The following COX16 variants were observed in gnomAD, a reference collection of about 807,000 sequenced individuals.
COX16 encodes the protein cytochrome c oxidase assembly factor COX16.
A neutral mutation model predicts 15.4 loss-of-function variants in COX16; 12 were observed. That is an observed-to-expected ratio of 0.78 (90% confidence interval 0.50 to 1.26). The LOEUF is 1.26. Ranked by LOEUF, COX16 falls within the 50% of genes most tolerant of loss-of-function variation. COX16 has a pLI of 0.00. For synonymous variants in COX16, 46 were observed against 41.1 expected (o/e 1.12, Z -0.46); for missense variants, 124 against 127.6 (o/e 0.97, Z 0.14).
chr14:70,331,997 C>G (rs941245111), intron 2 of COX16, among the ~76,000 whole-genome samples: 2 of 152,200 alleles, frequency 1.3e-5, no homozygotes, highest in Non-Finnish European at 2.9e-5. Flanking sequence ...GCATTCACAC[C>G]TAGGTGGATG....
At chr14:70,334,151 A>T (rs1886374741) in intron 2 of COX16, among the ~76,000 whole-genome samples, 2 of 152,252 alleles carry the variant, frequency 1.3e-5, no homozygotes, top group African/African-American at 2.4e-5. Context: ...ATGATGTTTA[A>T]ATCACTTTTA....
intron 2 of COX16, among the ~76,000 whole-genome samples, chr14:70,331,263 C>T (rs1018172115): frequency 5.3e-5 from 8 of 152,116 alleles, no homozygotes; most frequent in Non-Finnish European, 7.3e-5. Flanking sequence ...GCCTCGGCCT[C>T]GCAAAGTGCT....
At position 70,359,625 on chromosome 14, in the gene COX16, C is replaced by G. The variant is rs764883002; in HGVS notation, c.-38G>C. The G allele has an allele frequency of 3.1e-6, 5 of 1,597,110 alleles. No individual in the cohort carries two copies. In the Admixed American group the frequency reaches 6.7e-5, roughly 21 times the overall value. On this transcript the variant is annotated 5_prime_UTR_variant, in exon 1 of 4. Coordinates refer to ENST00000389912, the MANE Select transcript of COX16 (RefSeq NM_016468.7). ...CCATCGGCTCAGAACTCCAAGCGGG[C>G]CTAGCGCAGACTCCCAAATCTCAGC...
At chr14:70,335,018 A>C (rs1886406169) in intron 2 of COX16, among the ~76,000 whole-genome samples, 1 of 152,222 alleles carries the variant, frequency 6.6e-6, no homozygotes, top group African/African-American at 2.4e-5. Context: ...AAGATATTCC[A>C]TGGAAATGAA....
intron 2 of COX16, among the ~76,000 whole-genome samples, chr14:70,337,038 C>A (rs1465063979): frequency 6.6e-6 from 1 of 152,082 alleles, no homozygotes; most frequent in African/African-American, 2.4e-5. Context: ...ACCTGGTAAA[C>A]CCATAGGATA....
At chr14:70,357,157 T>TAAAAAA (rs1566607949) in intron 1 of COX16, among the ~76,000 whole-genome samples, 1 of 33,964 alleles carries the variant, frequency 2.9e-5, no homozygotes, top group African/African-American at 1.4e-4. Context: ...GAAGCGTTTG[T>TAAAAAA]CAAAAAAAAA....
At position 70,328,851 on chromosome 14, in the gene COX16, C is replaced by CCCA. The variant is rs1457921971; in HGVS notation, c.204+322_204+323insTGG. Among the ~76,000 whole-genome samples the CCCA allele has an allele frequency of 1.2e-3, 180 of 152,154 alleles. 1 individual carries two copies. Among genetic ancestry groups the CCCA allele is most frequent in the African/African-American group, 4.3e-3 (177 of 41,532 alleles). On this transcript the variant is annotated intron_variant, in intron 3 of 3. Transcript: ENST00000389912. ...AATTTGTATGTATGAACCCATTGAT[C>CCCA]TTTACTTTTAGAGCTTCTGGGTTTT...
intron 2 of COX16, among the ~76,000 whole-genome samples, chr14:70,331,504 A>G (rs1886290332): frequency 6.6e-6 from 1 of 152,190 alleles, no homozygotes; most frequent in Non-Finnish European, 1.5e-5. Flanking sequence ...AGAATACAAA[A>G]ATGGCCAACA....
intron 3 of COX16, chr14:70,328,276 A>T (rs1342181610): frequency 7.9e-5 from 12 of 151,566 alleles, no homozygotes; most frequent in Admixed American, 3.3e-4. Context: ...CCTTCAACAG[A>T]TACTTCCCTA....
At chr14:70,332,926 G>C (rs1886336090) in intron 2 of COX16, among the ~76,000 whole-genome samples, 1 of 152,136 alleles carries the variant, frequency 6.6e-6, no homozygotes, top group South Asian at 2.1e-4. Flanking sequence ...ACCTACCTTG[G>C]ATCTTCCACA....
Position 70,326,298 on chromosome 14 carries a change from T to TAAA in COX16, c.*32_*34dup, listed in dbSNP as rs74353890. ...AAGTCCAGTTAATAATATTTTTATTTAAAAAAAAAAAAAAGGAAAAAAGAA... is the reference window on the plus strand; with the variant it reads ...AAGTCCAGTTAATAATATTTTTATTTAAAAAAAAAAAAAAAAAGGAAAAAAGAA... On this transcript the variant is annotated 3_prime_UTR_variant, in exon 4 of 4. Coordinates refer to ENST00000389912, the MANE Select transcript of COX16 (RefSeq NM_016468.7). 1.4e-5 allele frequency: 16 copies of TAAA among 1,106,436 alleles called. No homozygotes were observed. The highest frequency in any genetic ancestry group is 1.9e-5 in the South Asian group (1 of 51,928). The allele number at this position is 1,106,436 out of a possible 1,614,324, so 68.5% of individuals were successfully genotyped here.
intron 1 of COX16, among the ~76,000 whole-genome samples, chr14:70,348,652 TCTCA>T (rs1204892135): frequency 2.0e-5 from 3 of 152,236 alleles, no homozygotes; most frequent in Non-Finnish European, 2.9e-5. Flanking sequence ...TCACTCAAGA[TCTCA>T]CTCTAGTAAC....
At chr14:70,340,597 C>T (rs1229758198) in intron 2 of COX16, among the ~76,000 whole-genome samples, 1 of 152,114 alleles carries the variant, frequency 6.6e-6, no homozygotes, top group Non-Finnish European at 1.5e-5. Flanking sequence ...TTTCAGGTTC[C>T]ATTATTGTTC....
At chr14:70,335,823 C>A (rs35164282) in intron 2 of COX16, among the ~76,000 whole-genome samples, 71,515 of 151,906 alleles carry the variant, frequency 0.47, 17,527 homozygotes, top group South Asian at 0.57. Context: ...ATGAATTTCA[C>A]ATATATAATA....
intron 2 of COX16, among the ~76,000 whole-genome samples, chr14:70,337,245 A>T (rs1262680767): frequency 1.3e-5 from 2 of 152,174 alleles, no homozygotes; most frequent in African/African-American, 4.8e-5. Flanking sequence ...ATCAATTTAA[A>T]GCCATGTAGG....
chr14:70,325,898 G>A lies in COX16; in HGVS notation c.*435C>T, dbSNP rs1436396697. ...ATTTTTCTTTCCCTAATAGATATGA[G>A]AGAAAATTACTGCTTGATTTTACTG... is the stretch of plus-strand genomic sequence containing the variant. On this transcript the variant is annotated 3_prime_UTR_variant, in exon 4 of 4. Transcript: ENST00000389912. 1 of 152,370 alleles carries A rather than the reference G, an allele frequency of 6.6e-6. No homozygotes were observed. Among genetic ancestry groups the A allele is most frequent in the Non-Finnish European group, 1.5e-5 (1 of 68,212 alleles). The allele number at this position is 152,370 out of a possible 1,614,324, so 9.4% of individuals were successfully genotyped here. A position where few individuals can be genotyped will look rare whatever the true frequency, so the allele number is the denominator to read the frequency against.
intron 2 of COX16, among the ~76,000 whole-genome samples, chr14:70,335,104 C>T (rs765102660): frequency 1.6e-4 from 25 of 151,872 alleles, no homozygotes; most frequent in East Asian, 5.8e-4. Context: ...AAAGAGACAA[C>T]GAAGGAAATT....
rs201201377 is a variant in COX16 at position 70,329,151 on chromosome 14, G to A, written c.204+23C>T. On this transcript the variant is annotated intron_variant, in intron 3 of 3. Coordinates refer to ENST00000389912, the MANE Select transcript of COX16 (RefSeq NM_016468.7). ...ACCAGTAACTGATTGTTATAAGACA[G>A]AGACTATATTAACATACCGTACCTC... The A allele has an allele frequency of 1.7e-4, 274 of 1,570,688 alleles. 2 individuals carry two copies. The highest frequency in any genetic ancestry group is 1.7e-4 in the Middle Eastern group (1 of 5,882).
chr14:70,356,329 C>T (rs950434057), intron 1 of COX16, among the ~76,000 whole-genome samples: 2 of 152,050 alleles, frequency 1.3e-5, no homozygotes, highest in Non-Finnish European at 2.9e-5. Context: ...CAATAGGACT[C>T]GTGCTCCTAT....
Sources: gnomAD v4.1 joint callset for allele counts (sites outside exome capture counted in the v4.1 genomes callset) on GRCh38, gnomAD v4.1.1 for gene constraint, MANE v1.5 for transcripts, NCBI Gene and HGNC (gene_info 2026-07-23, HGNC 2026-07-21) for gene names.